The following COX10 variants were observed in gnomAD, a reference collection of about 807,000 sequenced individuals.
The protein encoded by COX10 is protoheme IX farnesyltransferase, mitochondrial.
COX10 carries 27 observed loss-of-function variants against 37.3 expected under a neutral mutation model. The observed-to-expected ratio is 0.72, with a 90% confidence interval of 0.53 to 1.00. The LOEUF is 1.00. Ranked by LOEUF, COX10 falls within the 50% of genes least tolerant of loss-of-function variation. COX10 has a pLI of 0.00. For missense variants in COX10, 475 were observed against 563.2 expected (o/e 0.84, Z 1.59); for synonymous variants, 222 against 229.1 (o/e 0.97, Z 0.28).
chr17:14,147,751 A>G (rs1457230941), intron 4 of COX10, among the ~76,000 whole-genome samples: 3 of 149,048 alleles, frequency 2.0e-5, no homozygotes, highest in Non-Finnish European at 4.4e-5. Flanking sequence ...CATGTACCCC[A>G]TGTACCTACT....
chr17:14,190,164 G>C (rs1034335452), intron 5 of COX10, among the ~76,000 whole-genome samples: 1 of 152,178 alleles, frequency 6.6e-6, no homozygotes, highest in Non-Finnish European at 1.5e-5. Flanking sequence ...GGCAGGAGAA[G>C]AGTTAAAATA....
chr17:14,070,053 C>A (rs972752501), intron 1 of COX10, among the ~76,000 whole-genome samples: 1 of 152,182 alleles, frequency 6.6e-6, no homozygotes, highest in African/African-American at 2.4e-5. Flanking sequence ...AAGCCTTGTT[C>A]CAATATAAAG....
intron 4 of COX10, among the ~76,000 whole-genome samples, chr17:14,127,470 T>G (rs999495637): frequency 6.6e-6 from 1 of 152,178 alleles, no homozygotes; most frequent in Non-Finnish European, 1.5e-5. Flanking sequence ...TAAAATCTTC[T>G]TAATGATTAT....
intron 6 of COX10, among the ~76,000 whole-genome samples, chr17:14,198,713 C>T (rs984441829): frequency 6.6e-6 from 1 of 152,136 alleles, no homozygotes; most frequent in Non-Finnish European, 1.5e-5. Context: ...CTTTATTTAC[C>T]TCCCTTATTC....
chr17:14,093,185 C>A (rs563897794), intron 3 of COX10, among the ~76,000 whole-genome samples: 1 of 152,196 alleles, frequency 6.6e-6, no homozygotes, highest in Admixed American at 6.5e-5. Flanking sequence ...TAATCTTGCT[C>A]CCAGATCTTT....
intron 4 of COX10, among the ~76,000 whole-genome samples, chr17:14,137,641 A>G (rs1010050622): frequency 6.6e-6 from 1 of 152,048 alleles, no homozygotes; most frequent in Non-Finnish European, 1.5e-5. Context: ...TTTTAAGAAT[A>G]GTGTTGTTAA....
At chr17:14,131,776 A>G (rs1916472168) in intron 4 of COX10, among the ~76,000 whole-genome samples, 1 of 152,016 alleles carries the variant, frequency 6.6e-6, no homozygotes, top group African/African-American at 2.4e-5. Context: ...TGAGACTGAG[A>G]CAGTCACTGT....
chr17:14,165,239 T>C (rs1192016655), intron 5 of COX10, among the ~76,000 whole-genome samples: 1 of 152,218 alleles, frequency 6.6e-6, no homozygotes, highest in Non-Finnish European at 1.5e-5. Flanking sequence ...TTATGCTTCA[T>C]AGATACTACA....
chr17:14,195,864 A>G (rs1300019812), intron 6 of COX10, among the ~76,000 whole-genome samples: 1 of 152,188 alleles, frequency 6.6e-6, no homozygotes, highest in Admixed American at 6.5e-5. Flanking sequence ...GTTTGCAAAG[A>G]CAGAACCAGA....
intron 4 of COX10, among the ~76,000 whole-genome samples, chr17:14,114,992 T>A (rs1251539848): frequency 6.6e-6 from 1 of 152,136 alleles, no homozygotes; most frequent in African/African-American, 2.4e-5. Context: ...TATATTTTTA[T>A]GCATCTGAAT....
chr17:14,101,182 T>G (rs1567591143), intron 3 of COX10, among the ~76,000 whole-genome samples: 1 of 152,110 alleles, frequency 6.6e-6, no homozygotes, highest in Non-Finnish European at 1.5e-5. Flanking sequence ...GCTTCCTAGG[T>G]TTTTGGTTGA....
In COX10 at chr17:14,069,523, G is replaced by A. The variant is rs1914958779; in HGVS notation, c.-83G>A. On this transcript the variant is annotated 5_prime_UTR_variant, in exon 1 of 7. Coordinates refer to ENST00000261643, the MANE Select transcript of COX10 (RefSeq NM_001303.4). ...CCCGGAACTACTCCCACAGGGGGGC[G>A]GGGAAGGAAGATGGCGGCGCCCAGC... 3.2e-6 allele frequency: 5 copies of A among 1,541,046 alleles called. No individual in the cohort carries two copies. Among genetic ancestry groups the A allele is most frequent in the Non-Finnish European group, 4.5e-6 (5 of 1,120,100 alleles).
chr17:14,157,890 A>G (rs1905076848), intron 4 of COX10, among the ~76,000 whole-genome samples: 1 of 152,240 alleles, frequency 6.6e-6, no homozygotes, highest in Non-Finnish European at 1.5e-5. Flanking sequence ...TTAGCCATCA[A>G]GAGAAGAATA....
At chr17:14,194,709 G>A (rs1031957123) in intron 6 of COX10, among the ~76,000 whole-genome samples, 6 of 152,210 alleles carry the variant, frequency 3.9e-5, no homozygotes, top group African/African-American at 1.4e-4. Context: ...ACAGGCGTGA[G>A]CCACCGCGCC....
chr17:14,076,752 C>T lies in COX10; in HGVS notation c.195C>T (p.Asn65=). 6.2e-7 allele frequency: 1 copy of T among 1,614,154 alleles called. No homozygotes were observed. Among genetic ancestry groups the T allele is most frequent in the Non-Finnish European group, 8.5e-7 (1 of 1,180,022 alleles). ...FLKRMYVTQL[N]RSHNQQVRPK... The stretch of plus-strand genomic sequence containing the variant: ...TTGTTTAGTATGTCACACAGCTGAA[C>T]AGAAGCCACAACCAGCAAGTAAGAC... The change falls in exon 3 of 7, where the codon AAC becomes AAT. Residue 65 remains asparagine, a synonymous_variant. Transcript: ENST00000261643.
chr17:14,172,533 C>T (rs2856184), intron 5 of COX10, among the ~76,000 whole-genome samples: 86,949 of 149,590 alleles, frequency 0.58, 25,616 homozygotes, highest in Non-Finnish European at 0.63. Flanking sequence ...TGAGCATTTT[C>T]TCGTATACCT....
At chr17:14,190,811 G>A (rs1426801750) in intron 5 of COX10, among the ~76,000 whole-genome samples, 2 of 152,032 alleles carry the variant, frequency 1.3e-5, no homozygotes, top group African/African-American at 4.8e-5. Context: ...CCCTCTCATA[G>A]ATACAGGCCC....
chr17:14,172,048 G>C (rs542792722), intron 5 of COX10, among the ~76,000 whole-genome samples: 1 of 152,152 alleles, frequency 6.6e-6, no homozygotes, highest in East Asian at 1.9e-4. Flanking sequence ...TCAGTTTTGC[G>C]TGGGTTATTA....
chr17:14,158,766 G>A (rs1905108713), intron 4 of COX10, among the ~76,000 whole-genome samples: 1 of 152,122 alleles, frequency 6.6e-6, no homozygotes. Context: ...CCATAGAGTC[G>A]TTCTTCCTGG....
Sources: allele counts gnomAD v4.1 joint callset (sites outside exome capture counted in the v4.1 genomes callset), GRCh38; gene constraint gnomAD v4.1.1; transcripts MANE v1.5; gene names NCBI Gene and HGNC (gene_info 2026-07-23, HGNC 2026-07-21).